Variants in ERC1 observed in about 807,000 individuals in gnomAD.
The protein encoded by ERC1 is RAB6 interacting protein 2.
ERC1 carries 56 observed loss-of-function variants against 132.0 expected under a neutral mutation model. The ratio of observed to expected loss-of-function variants is 0.42; its 90% CI spans 0.34 to 0.53. The LOEUF is 0.53. Among genes scored for constraint, ERC1 ranks in the 20% least tolerant of loss-of-function variants. The probability of loss-of-function intolerance (pLI) is 0.03; values close to 1 mark genes in which losing one functional copy is unlikely to be tolerated. For synonymous variants in ERC1, 478 were observed against 476.1 expected (o/e 1.00, Z -0.05); for missense variants, 1,202 against 1,349.9 (o/e 0.89, Z 1.72).
At chr12:1,204,802 AT>A (rs1174186964) in intron 12 of ERC1, among the ~76,000 whole-genome samples, 2 of 152,172 alleles carry the variant, frequency 1.3e-5, no homozygotes, top group South Asian at 2.1e-4. Context: ...GGGAAAAAGA[AT>A]TGTGTTAATG....
At chr12:1,484,007 T>TA (rs2094146715) in intron 18 of ERC1, among the ~76,000 whole-genome samples, 1 of 151,580 alleles carries the variant, frequency 6.6e-6, no homozygotes, top group South Asian at 2.1e-4. Context: ...ATGAGGTCTT[T>TA]AAAAAATCTT....
intron 16 of ERC1, among the ~76,000 whole-genome samples, chr12:1,405,001 G>A (rs371640556): frequency 8.6e-5 from 13 of 151,992 alleles, no homozygotes; most frequent in African/African-American, 2.7e-4. Context: ...AATAGCCAGC[G>A]TGGTGGTGTG....
chr12:1,244,607 C>A (rs2076045974), intron 13 of ERC1: 2 of 446,840 alleles, frequency 4.5e-6, no homozygotes, highest in Admixed American at 2.4e-5. Flanking sequence ...CTGCAGCCTC[C>A]TTCTACCGGA....
chr12:1,225,180 C>T (rs1444574936), intron 12 of ERC1, among the ~76,000 whole-genome samples: 2 of 151,750 alleles, frequency 1.3e-5, no homozygotes, highest in Non-Finnish European at 2.9e-5. Flanking sequence ...TGTCTGTGAG[C>T]CAGGTGGAAT....
chr12:1,288,423 A>G (rs933396527), intron 14 of ERC1, among the ~76,000 whole-genome samples: 6 of 152,174 alleles, frequency 3.9e-5, no homozygotes, highest in African/African-American at 1.4e-4. Flanking sequence ...CCGTAACAAT[A>G]TATTCTTATG....
intron 15 of ERC1, among the ~76,000 whole-genome samples, chr12:1,306,398 G>A (rs569123910): frequency 6.6e-6 from 1 of 152,192 alleles, no homozygotes; most frequent in African/African-American, 2.4e-5. Context: ...AGTAAACCAC[G>A]TTCAGTTGCT....
chr12:1,119,704 C>T (rs1364323061), intron 7 of ERC1, among the ~76,000 whole-genome samples: 1 of 152,078 alleles, frequency 6.6e-6, no homozygotes, highest in Non-Finnish European at 1.5e-5. Flanking sequence ...GCATGTGCCA[C>T]CACACCTGGC....
intron 17 of ERC1, among the ~76,000 whole-genome samples, chr12:1,412,755 T>C (rs1346798520): frequency 6.6e-6 from 1 of 152,192 alleles, no homozygotes; most frequent in African/African-American, 2.4e-5. Context: ...GCCTACTTCC[T>C]AGGATTATTG....
chr12:1,359,803 A>G (rs2085906179), intron 15 of ERC1, among the ~76,000 whole-genome samples: 1 of 152,232 alleles, frequency 6.6e-6, no homozygotes, highest in Admixed American at 6.5e-5. Flanking sequence ...GTAGTTCCCT[A>G]CATATTATAT....
rs1221878421 is a variant in ERC1, at chr12:1,121,740, T to TG, written c.1569+5707_1569+5708insG. Among the ~76,000 whole-genome samples, 16 of 5,392 alleles carry TG rather than the reference T, an allele frequency of 3.0e-3. 2 individuals carry two copies. Among genetic ancestry groups the TG allele is most frequent in the Non-Finnish European group, 9.4e-3 (14 of 1,490 alleles). The allele number at this position is 5,392 out of a possible 152,430, so 3.5% of individuals were successfully genotyped here. A position where few individuals can be genotyped will look rare whatever the true frequency, so the allele number is the denominator to read the frequency against. On this transcript the variant is annotated intron_variant, in intron 7 of 18. Coordinates refer to ENST00000360905, the MANE Select transcript of ERC1 (RefSeq NM_178040.4). ...CTATCTCTATCTCTATCTCTATCTC[T>TG]ATCTATCTCTATCTCTATCTCTATC...
chr12:1,178,768 T>C (rs1954031408), intron 8 of ERC1, among the ~76,000 whole-genome samples: 1 of 152,162 alleles, frequency 6.6e-6, no homozygotes, highest in African/African-American at 2.4e-5. Context: ...ATAGAACTTA[T>C]CTCTGCCCTA....
Position 1,449,653 on chromosome 12 carries a change from AG to A in ERC1, c.3213+4904del, listed in dbSNP as rs200863153. Reference sequence around the variant, plus strand: ...TACCCAGTCTCGGGTATTTCTTCATAGCAGCGTGAGAATGGGCTGACACACT... The same window carrying A: ...TACCCAGTCTCGGGTATTTCTTCATACAGCGTGAGAATGGGCTGACACACT... On this transcript the variant is annotated intron_variant, in intron 18 of 18. Coordinates refer to ENST00000360905, the MANE Select transcript of ERC1 (RefSeq NM_178040.4). Among the ~76,000 whole-genome samples the A allele has an allele frequency of 8.7e-3, 1,329 of 152,256 alleles. 16 individuals are homozygous for A. The highest frequency in any genetic ancestry group is 0.03 in the African/African-American group (1,262 of 41,530).
At chr12:1,122,625 G>GTCTCTATCTCTATCTCTA (rs771646801) in intron 7 of ERC1, among the ~76,000 whole-genome samples, 3 of 6,036 alleles carry the variant, frequency 5.0e-4, no homozygotes, top group African/African-American at 1.0e-3. Context: ...CTCTATCTGT[G>GTCTCTATCTCTATCTCTA]TCTCTATCTC....
chr12:1,124,833 T>TA (rs1356109254), intron 7 of ERC1, among the ~76,000 whole-genome samples: 1 of 151,818 alleles, frequency 6.6e-6, no homozygotes, highest in Non-Finnish European at 1.5e-5. Context: ...CAAGAAGAAA[T>TA]AAGTTTCTGG....
intron 12 of ERC1, chr12:1,190,292 A>G: frequency 1.6e-6 from 1 of 616,366 alleles, no homozygotes; most frequent in South Asian, 1.5e-5. Flanking sequence ...TGATTGGCAA[A>G]AAAGAGAGTA....
chr12:1,266,071 A>G (rs1223705662), intron 14 of ERC1, among the ~76,000 whole-genome samples: 1 of 152,102 alleles, frequency 6.6e-6, no homozygotes, highest in African/African-American at 2.4e-5. Flanking sequence ...AATAACTGTG[A>G]GTGTGATTGC....
At chr12:1,230,220 A>G (rs140179821) in intron 12 of ERC1, among the ~76,000 whole-genome samples, 3,094 of 152,124 alleles carry the variant, frequency 0.02, 51 homozygotes, top group Non-Finnish European at 0.034. Flanking sequence ...GCTAGTCTCA[A>G]ACCCCTGACC....
At chr12:1,225,469 C>A (rs995423308) in intron 12 of ERC1, among the ~76,000 whole-genome samples, 3 of 151,650 alleles carry the variant, frequency 2.0e-5, no homozygotes, top group South Asian at 2.1e-4. Flanking sequence ...CACACACACA[C>A]ACACACACAC....
chr12:1,122,774 A>G (rs1475260650), intron 7 of ERC1, among the ~76,000 whole-genome samples: 2 of 14,092 alleles, frequency 1.4e-4, no homozygotes, highest in Non-Finnish European at 5.1e-4. Flanking sequence ...TCTTTTTCAG[A>G]TGAGTGTGTT....
Sources: gnomAD v4.1 joint callset for allele counts (sites outside exome capture counted in the v4.1 genomes callset) on GRCh38, gnomAD v4.1.1 for gene constraint, MANE v1.5 for transcripts, NCBI Gene and HGNC (gene_info 2026-07-23, HGNC 2026-07-21) for gene names.